CDH9: variants seen among roughly 807,000 people sequenced by gnomAD.
CDH9 encodes cadherin 9.
Under a neutral mutation model 70.9 loss-of-function variants are expected in CDH9, and 28 were observed. The ratio of observed to expected loss-of-function variants is 0.40; its 90% CI spans 0.29 to 0.54. The LOEUF (loss-of-function observed/expected upper bound fraction) is 0.54, where lower values mean the gene tolerates loss of function less well. Among genes scored for constraint, CDH9 ranks in the 20% least tolerant of loss-of-function variants. The probability of loss-of-function intolerance (pLI) is 0.59; values close to 1 mark genes in which losing one functional copy is unlikely to be tolerated. For synonymous variants in CDH9, 409 were observed against 343.1 expected, an observed-to-expected ratio of 1.19 and a Z score of -2.12; for missense variants, 874 against 984.4, an observed-to-expected ratio of 0.89 and a Z score of 1.50.
At chr5:26,998,149 T>C (rs548537032) in intron 1 of CDH9, among the ~76,000 whole-genome samples, 14 of 152,302 alleles carry the variant, frequency 9.2e-5, no homozygotes, top group South Asian at 2.1e-4. Flanking sequence ...AATACTTGCC[T>C]TTGAGCAATA....
At chr5:26,940,283 G>A (rs1487871464) in intron 2 of CDH9, among the ~76,000 whole-genome samples, 1 of 152,176 alleles carries the variant, frequency 6.6e-6, no homozygotes, top group Non-Finnish European at 1.5e-5. Flanking sequence ...AAAAGTTGAA[G>A]AAAGATACTG....
At chr5:26,937,068 A>C (rs564900517) in intron 2 of CDH9, among the ~76,000 whole-genome samples, 1 of 152,238 alleles carries the variant, frequency 6.6e-6, no homozygotes, top group African/African-American at 2.4e-5. Context: ...CTACCTAGTG[A>C]AAGATAGTGC....
chr5:26,931,984 T>C (rs1202381444), intron 2 of CDH9, among the ~76,000 whole-genome samples: 2 of 152,126 alleles, frequency 1.3e-5, no homozygotes, highest in Non-Finnish European at 2.9e-5. Flanking sequence ...CCAAGATAAT[T>C]ACAAATAAAT....
rs1342838272 is a variant in CDH9 at position 26,897,509 on chromosome 5, T to C, written c.1253+4967A>G. Among the ~76,000 whole-genome samples the C allele has an allele frequency of 2.6e-5, 4 of 152,110 alleles. No homozygotes were observed. The East Asian group carries it at 7.7e-4, about 29-fold the overall frequency. On this transcript the variant is annotated intron_variant, in intron 7 of 11. Coordinates refer to ENST00000231021, the MANE Select transcript of CDH9 (RefSeq NM_016279.4). ...CTTCATCCCTGGGATGCAAGACTGG[T>C]TCAATATGCATAAATCAATAAAGTA...
At chr5:26,914,351 C>A (rs1236202300) in intron 3 of CDH9, among the ~76,000 whole-genome samples, 2 of 151,564 alleles carry the variant, frequency 1.3e-5, no homozygotes, top group Non-Finnish European at 3.0e-5. Flanking sequence ...TTAAAAAAAA[C>A]ATGGTATGTG....
chr5:27,017,284 T>C (rs911506062), intron 1 of CDH9, among the ~76,000 whole-genome samples: 1 of 151,936 alleles, frequency 6.6e-6, no homozygotes, highest in Non-Finnish European at 1.5e-5. Context: ...TTGTCCTTTA[T>C]TTTCCTAACA....
chr5:26,893,861 C>T (rs1160200634), intron 7 of CDH9, among the ~76,000 whole-genome samples: 2 of 152,020 alleles, frequency 1.3e-5, no homozygotes, highest in Admixed American at 6.6e-5. Flanking sequence ...TCCAGTTGTG[C>T]TAACATGAAA....
intron 2 of CDH9, among the ~76,000 whole-genome samples, chr5:26,923,800 G>T (rs1435393551): frequency 6.6e-6 from 1 of 152,022 alleles, no homozygotes; most frequent in Non-Finnish European, 1.5e-5. Context: ...TAATCAATAT[G>T]CTCCACAATG....
chr5:26,985,460 T>C (rs1238678786), intron 2 of CDH9, among the ~76,000 whole-genome samples: 1 of 152,150 alleles, frequency 6.6e-6, no homozygotes, highest in Non-Finnish European at 1.5e-5. Flanking sequence ...TTTGTGTGTA[T>C]ACATGTATAT....
At chr5:26,937,052 A>C (rs1325677997) in intron 2 of CDH9, among the ~76,000 whole-genome samples, 1 of 152,164 alleles carries the variant, frequency 6.6e-6, no homozygotes, top group African/African-American at 2.4e-5. Flanking sequence ...TTAAAGTTAA[A>C]ACCATCTACC....
chr5:26,972,407 T>C (rs888370246), intron 2 of CDH9, among the ~76,000 whole-genome samples: 1 of 152,186 alleles, frequency 6.6e-6, no homozygotes, highest in Non-Finnish European at 1.5e-5. Flanking sequence ...ATTTTTCTTA[T>C]ACAGTTGTCC....
intron 2 of CDH9, among the ~76,000 whole-genome samples, chr5:26,921,576 A>G (rs1741244357): frequency 6.6e-6 from 1 of 152,332 alleles, no homozygotes; most frequent in East Asian, 1.9e-4. Context: ...AGAAACTTCA[A>G]GAAAATATCT....
At chr5:26,899,853 G>T (rs1283617057) in intron 7 of CDH9, among the ~76,000 whole-genome samples, 2 of 148,256 alleles carry the variant, frequency 1.3e-5, no homozygotes, top group African/African-American at 5.0e-5. Flanking sequence ...ATGTATCACA[G>T]AACTTAAAGT....
intron 2 of CDH9, among the ~76,000 whole-genome samples, chr5:26,951,505 C>T (rs942311858): frequency 1.3e-5 from 2 of 151,902 alleles, no homozygotes; most frequent in South Asian, 4.1e-4. Flanking sequence ...CCCTGGAAAA[C>T]GTCGCATAAG....
chr5:26,933,505 A>C (rs1178234479), intron 2 of CDH9, among the ~76,000 whole-genome samples: 1 of 152,032 alleles, frequency 6.6e-6, no homozygotes, highest in Non-Finnish European at 1.5e-5. Context: ...GGCAGGGTGC[A>C]CTGGCTCACG....
At chr5:27,009,156 T>C (rs1342214534) in intron 1 of CDH9, among the ~76,000 whole-genome samples, 1 of 152,160 alleles carries the variant, frequency 6.6e-6, no homozygotes, top group East Asian at 1.9e-4. Flanking sequence ...TCCAGGATTG[T>C]TATCAAGTTC....
At chr5:27,000,050 T>G (rs1279476681) in intron 1 of CDH9, among the ~76,000 whole-genome samples, 1 of 152,086 alleles carries the variant, frequency 6.6e-6, no homozygotes, top group Non-Finnish European at 1.5e-5. Context: ...CTGTTAAAAT[T>G]GAAAACTTAT....
At chr5:27,002,075 G>GA (rs371088503) in intron 1 of CDH9, among the ~76,000 whole-genome samples, 2,156 of 151,822 alleles carry the variant, frequency 0.014, 41 homozygotes, top group Non-Finnish European at 0.015. Flanking sequence ...AAACTTACAA[G>GA]AAAAAAACAA....
intron 2 of CDH9, among the ~76,000 whole-genome samples, chr5:26,952,921 A>AAAAAAAGC (rs1554000078): frequency 3.9e-5 from 5 of 129,298 alleles, no homozygotes; most frequent in African/African-American, 1.4e-4. Flanking sequence ...AAAAAAAAAA[A>AAAAAAAGC]AGTTTAAAGA....
Sources: allele counts gnomAD v4.1 joint callset (sites outside exome capture counted in the v4.1 genomes callset), GRCh38; gene constraint gnomAD v4.1.1; transcripts MANE v1.5; gene names NCBI Gene and HGNC (gene_info 2026-07-23, HGNC 2026-07-21).